Variants in PSMA8 observed in about 807,000 individuals in gnomAD.
The protein encoded by PSMA8 is proteasome 20S subunit alpha 8.
A neutral mutation model predicts 32.4 loss-of-function variants in PSMA8; 18 were observed. That is an observed-to-expected ratio of 0.56 (90% CI 0.38 to 0.82). The LOEUF (loss-of-function observed/expected upper bound fraction) is 0.82. Among genes scored for constraint, PSMA8 ranks in the 40% least tolerant of loss-of-function variants. The pLI is 0.00. For synonymous variants in PSMA8, 104 were observed against 98.1 expected (o/e 1.06, Z -0.36); for missense variants, 298 against 300.7 (o/e 0.99, Z 0.07).
chr18:26,165,677 A>G (rs1049088358), intron 4 of PSMA8, among the ~76,000 whole-genome samples: 3 of 134,348 alleles, frequency 2.2e-5, no homozygotes, highest in Non-Finnish European at 4.5e-5. Context: ...AGCAGTGATA[A>G]AAAAAAAAAT....
intron 4 of PSMA8, among the ~76,000 whole-genome samples, chr18:26,165,737 G>C (rs1459597008): frequency 1.3e-5 from 2 of 152,090 alleles, no homozygotes; most frequent in East Asian, 3.9e-4. Context: ...ATGGTCTTTA[G>C]ATGGAATTAG....
chr18:26,166,894 C>A (rs1004465039), intron 4 of PSMA8, among the ~76,000 whole-genome samples: 2 of 152,154 alleles, frequency 1.3e-5, no homozygotes, highest in African/African-American at 4.8e-5. Flanking sequence ...CTGACAGTTT[C>A]TTTGCGAAAA....
chr18:26,171,393 T>C, intron 4 of PSMA8: 1 of 1,150,010 alleles, frequency 8.7e-7, no homozygotes, highest in Non-Finnish European at 1.3e-6. Context: ...CAGACTAATA[T>C]AACGTGTAAT....
chr18:26,147,529 T>G (rs930438596), intron 2 of PSMA8, among the ~76,000 whole-genome samples: 5 of 152,314 alleles, frequency 3.3e-5, no homozygotes, highest in Admixed American at 3.3e-4. Context: ...CAGCCTGCCT[T>G]TATACCTTAA....
At chr18:26,169,690 T>C (rs1403818697) in intron 4 of PSMA8, among the ~76,000 whole-genome samples, 1 of 128,224 alleles carries the variant, frequency 7.8e-6, no homozygotes, top group Non-Finnish European at 1.5e-5. Context: ...AAATACAAAA[T>C]ACAAAAATTA....
chr18:26,155,556 A>G (rs575045947), intron 3 of PSMA8, among the ~76,000 whole-genome samples: 1 of 152,240 alleles, frequency 6.6e-6, no homozygotes, highest in Non-Finnish European at 1.5e-5. Context: ...TGGAGAATGG[A>G]CAGCCACTTC....
Position 26,158,123 on chromosome 18 carries a change from A to G in PSMA8, c.356A>G (p.Lys119Arg). ...ITRFIATLKQKYTQSNGRRPF... is the reference protein window; with the variant it reads ...ITRFIATLKQRYTQSNGRRPF... ...TAAAAATACGTTTTATTTTTCTAGAAATATACCCAAAGCAATGGACGAAGA... is the reference window on the plus strand; with the variant it reads ...TAAAAATACGTTTTATTTTTCTAGAGATATACCCAAAGCAATGGACGAAGA... Residue 119 changes from lysine (K) to arginine (R), a missense_variant and splice_region_variant, in exon 4 of 7, where the codon AAA (lysine) becomes AGA (arginine). By Grantham distance (26) the Lys-to-Arg change is conservative. Coordinates refer to ENST00000415576, the MANE Select transcript of PSMA8 (RefSeq NM_001025096.2). 2 of 1,573,594 alleles carry G rather than the reference A, an allele frequency of 1.3e-6. No individual in the cohort carries two copies. The highest frequency in any genetic ancestry group is 1.2e-5 in the South Asian group (1 of 84,896).
intron 6 of PSMA8, among the ~76,000 whole-genome samples, chr18:26,181,755 C>G (rs541583740): frequency 3.9e-4 from 59 of 151,892 alleles, no homozygotes; most frequent in Non-Finnish European, 7.9e-4. Context: ...CAAAACCTGT[C>G]TCTACTAAAA....
At chr18:26,173,975 T>G (rs978360626) in intron 4 of PSMA8, among the ~76,000 whole-genome samples, 8 of 152,180 alleles carry the variant, frequency 5.3e-5, no homozygotes, top group Non-Finnish European at 1.5e-5. Context: ...TGCTGTCTAC[T>G]TGATTCTCAG....
intron 3 of PSMA8, among the ~76,000 whole-genome samples, chr18:26,155,713 G>A (rs1259124045): frequency 1.3e-5 from 2 of 152,106 alleles, no homozygotes; most frequent in East Asian, 3.9e-4. Context: ...AGAAAATATA[G>A]AGGAAATGCT....
intron 4 of PSMA8, among the ~76,000 whole-genome samples, chr18:26,160,797 T>C (rs1343320059): frequency 6.6e-6 from 1 of 152,180 alleles, no homozygotes; most frequent in Non-Finnish European, 1.5e-5. Context: ...AGAATAGAAA[T>C]AGCTAATACC....
At chr18:26,137,323 G>A (rs1312097955) in intron 1 of PSMA8, among the ~76,000 whole-genome samples, 2 of 152,152 alleles carry the variant, frequency 1.3e-5, no homozygotes, top group Admixed American at 6.5e-5. Flanking sequence ...GCTGAGCATG[G>A]TGGTGTGTGC....
At chr18:26,158,283 GTAAA>G (rs2055107379) in intron 4 of PSMA8, 39 bp downstream of exon 4, 1 of 1,494,866 alleles carries the variant, frequency 6.7e-7, no homozygotes, top group East Asian at 2.3e-5. Flanking sequence ...TAGAAGTTTA[GTAAA>G]TATTCAATGT....
chr18:26,189,838 G>C (rs1377071044), intron 6 of PSMA8, among the ~76,000 whole-genome samples: 2 of 152,164 alleles, frequency 1.3e-5, no homozygotes, highest in Non-Finnish European at 2.9e-5. Flanking sequence ...AGAAATAGCT[G>C]CACTCCCATG....
intron 4 of PSMA8, among the ~76,000 whole-genome samples, chr18:26,173,173 C>CTAA (rs2055237529): frequency 6.6e-6 from 1 of 152,116 alleles, no homozygotes; most frequent in Non-Finnish European, 1.5e-5. Context: ...CTTATCTGGC[C>CTAA]CCCACCTCAA....
intron 4 of PSMA8, among the ~76,000 whole-genome samples, chr18:26,163,250 T>C (rs1220062263): frequency 2.1e-5 from 2 of 94,544 alleles, no homozygotes; most frequent in Non-Finnish European, 4.4e-5. Flanking sequence ...TATATATATA[T>C]ATATATATAT....
chr18:26,172,439 T>C (rs2055229956), intron 4 of PSMA8, among the ~76,000 whole-genome samples: 1 of 152,192 alleles, frequency 6.6e-6, no homozygotes, highest in African/African-American at 2.4e-5. Flanking sequence ...TAATTCTTTG[T>C]TTACAAAAAC....
chr18:26,185,866 C>A (rs968741691), intron 6 of PSMA8, among the ~76,000 whole-genome samples: 1 of 150,416 alleles, frequency 6.6e-6, no homozygotes, highest in Admixed American at 6.6e-5. Context: ...TTAATGGACT[C>A]CACATGAAAA....
chr18:26,178,796 A>G (rs552483559), intron 4 of PSMA8, 34 bp from the exon 5 acceptor site: 1 of 1,592,100 alleles, frequency 6.3e-7, no homozygotes, highest in Non-Finnish European at 8.6e-7. Flanking sequence ...TTCCTACTGC[A>G]ATGATATTAA....
Sources: gnomAD v4.1 joint callset for allele counts (sites outside exome capture counted in the v4.1 genomes callset) on GRCh38, gnomAD v4.1.1 for gene constraint, MANE v1.5 for transcripts, NCBI Gene and HGNC (gene_info 2026-07-23, HGNC 2026-07-21) for gene names.